The following GAS7 variants were observed in gnomAD, a reference collection of about 807,000 sequenced individuals.
GAS7 encodes growth arrest-specific protein 7.
GAS7 carries 28 observed loss-of-function variants against 71.1 expected under a neutral mutation model. The ratio of observed to expected loss-of-function variants is 0.39; its 90% CI spans 0.29 to 0.54. The LOEUF (loss-of-function observed/expected upper bound fraction) is 0.54, where lower values mean the gene tolerates loss of function less well. Among genes scored for constraint, GAS7 ranks in the 20% least tolerant of loss-of-function variants. The pLI is 0.62. For missense variants in GAS7, 436 were observed against 627.8 expected, an observed-to-expected ratio of 0.69 and a Z score of 3.27; for synonymous variants, 258 against 245.8, an observed-to-expected ratio of 1.05 and a Z score of -0.46.
chr17:9,929,376 A>G (rs2068127806), intron 9 of GAS7, among the ~76,000 whole-genome samples: 1 of 152,252 alleles, frequency 6.6e-6, no homozygotes, highest in African/African-American at 2.4e-5. Flanking sequence ...TTCAAATGAC[A>G]TTCTGGAAGC....
At position 9,974,233 on chromosome 17, in the gene GAS7, C is replaced by A. The variant is rs113435656; in HGVS notation, c.386-4471G>T. Among the ~76,000 whole-genome samples, 1 of 152,180 alleles carries A rather than the reference C, an allele frequency of 6.6e-6. No individual in the cohort carries two copies. The highest frequency in any genetic ancestry group is 6.5e-5 in the Admixed American group (1 of 15,284). On this transcript the variant is annotated intron_variant, in intron 3 of 13. Transcript: ENST00000432992. The surrounding 1 kb of genome is among the most constrained non-coding windows in gnomAD (Gnocchi z 4.0). ...CCACGTAGCAGCTCTCCTCGGACAC[C>A]CTGTCTGGCTGCGTTATCACTTGAA...
At chr17:9,921,010 C>A (rs570268211) in intron 11 of GAS7, among the ~76,000 whole-genome samples, 2 of 152,154 alleles carry the variant, frequency 1.3e-5, no homozygotes, top group African/African-American at 2.4e-5. Context: ...ACACACCAGA[C>A]GCGAGTGTGC....
At chr17:9,978,971 A>C (rs2070309208) in intron 3 of GAS7, among the ~76,000 whole-genome samples, 1 of 152,192 alleles carries the variant, frequency 6.6e-6, no homozygotes, top group Non-Finnish European at 1.5e-5. Flanking sequence ...GTTCAGCAGC[A>C]GCCCTGGCCT....
rs563492837 is a variant in GAS7 at position 9,913,964 on chromosome 17, G to A, written c.*3264C>T. The stretch of plus-strand genomic sequence containing the variant: ...ACATTCTCAAGAATAGCCCAGACCC[G>A]CCCACTTTGAATAAACCCAGCTAAG... On this transcript the variant is annotated 3_prime_UTR_variant, in exon 14 of 14. Coordinates refer to ENST00000432992, the MANE Select transcript of GAS7 (RefSeq NM_201433.2). The A allele has an allele frequency of 4.3e-5, 10 of 231,658 alleles. No individual in the cohort carries two copies. Among genetic ancestry groups the A allele is most frequent in the South Asian group, 1.8e-4 (1 of 5,508 alleles). 14.4% of individuals were successfully genotyped at this position (231,658 alleles called of 1,614,324 possible).
At chr17:10,033,180 T>C (rs112577405) in intron 1 of GAS7, among the ~76,000 whole-genome samples, 192 of 152,312 alleles carry the variant, frequency 1.3e-3, no homozygotes, top group African/African-American at 4.5e-3. Flanking sequence ...GAAAACACTT[T>C]TGAAGGACAT....
chr17:10,126,354 A>ACACTCTTG (rs2073946772), intron 1 of GAS7, among the ~76,000 whole-genome samples: 1 of 126,004 alleles, frequency 7.9e-6, no homozygotes, highest in Non-Finnish European at 1.7e-5. Flanking sequence ...TCATACACTC[A>ACACTCTTG]CACACACTCT....
chr17:10,198,573 A>C lies in GAS7; in HGVS notation c.-183T>G. On this transcript the variant is annotated 5_prime_UTR_variant, in exon 1 of 14. Coordinates refer to ENST00000432992, the MANE Select transcript of GAS7 (RefSeq NM_201433.2). ...GGACGCGCGCTCCGCGCCGGGAAGC[A>C]GAGACTCGTTGGCTTCGCAGAGCGA... The C allele has an allele frequency of 2.6e-6, 1 of 385,116 alleles. No individual in the cohort carries two copies. Among genetic ancestry groups the C allele is most frequent in the Non-Finnish European group, 4.5e-6 (1 of 221,282 alleles). 23.9% of individuals were successfully genotyped at this position (385,116 alleles called of 1,614,324 possible).
At chr17:10,055,228 T>C (rs1190868421) in intron 1 of GAS7, among the ~76,000 whole-genome samples, 1 of 152,146 alleles carries the variant, frequency 6.6e-6, no homozygotes, top group Non-Finnish European at 1.5e-5. Context: ...GCCCAAGCGC[T>C]GGAAGCTAGC....
intron 1 of GAS7, among the ~76,000 whole-genome samples, chr17:10,120,666 C>T (rs750380193): frequency 6.6e-6 from 1 of 151,994 alleles, no homozygotes; most frequent in Non-Finnish European, 1.5e-5. Context: ...GAGCCAAGAT[C>T]GCGTCATTGC....
intron 1 of GAS7, among the ~76,000 whole-genome samples, chr17:10,126,543 A>AGC (rs1411357919): frequency 2.8e-4 from 4 of 14,272 alleles, no homozygotes; most frequent in Non-Finnish European, 6.7e-4. Context: ...ACACACAAAG[A>AGC]GCGCACACAC....
chr17:10,189,930 T>C (rs2074485017), intron 1 of GAS7, among the ~76,000 whole-genome samples: 1 of 150,922 alleles, frequency 6.6e-6, no homozygotes, highest in South Asian at 2.1e-4. Flanking sequence ...CAGAGCAAGA[T>C]TCCATCTCCC....
At chr17:10,027,761 C>T (rs1027177588) in intron 1 of GAS7, among the ~76,000 whole-genome samples, 2 of 152,208 alleles carry the variant, frequency 1.3e-5, no homozygotes, top group African/African-American at 2.4e-5. Flanking sequence ...AGCTAGGCAT[C>T]GTGGCTTGTG....
At chr17:10,161,650 TC>T (rs1358979108) in intron 1 of GAS7, among the ~76,000 whole-genome samples, 3 of 152,192 alleles carry the variant, frequency 2.0e-5, no homozygotes, top group African/African-American at 7.2e-5. Flanking sequence ...TCTCAGTTGT[TC>T]CACTCAGTCA....
At chr17:10,078,416 G>C (rs2073420218) in intron 1 of GAS7, among the ~76,000 whole-genome samples, 1 of 152,182 alleles carries the variant, frequency 6.6e-6, no homozygotes, top group African/African-American at 2.4e-5. Flanking sequence ...AAGGGCTAGT[G>C]AAGAGAGAAG....
Position 10,006,943 on chromosome 17 carries a change from G to T in GAS7, c.304+12834C>A, listed in dbSNP as rs543620236. Among the ~76,000 whole-genome samples, 20 of 152,264 alleles carry T rather than the reference G, an allele frequency of 1.3e-4. No individual in the cohort carries two copies. The South Asian group carries it at 3.9e-3, about 30-fold the overall frequency. On this transcript the variant is annotated intron_variant, in intron 2 of 13. Transcript: ENST00000432992. ...TGTTTGTCTTCAATAGCTCCACCAT[G>T]AGATTCTACAATTGTTTATGATTAT... is the stretch of plus-strand genomic sequence containing the variant.
intron 2 of GAS7, among the ~76,000 whole-genome samples, chr17:10,007,161 T>C (rs560986441): frequency 6.6e-6 from 1 of 152,318 alleles, no homozygotes; most frequent in South Asian, 2.1e-4. Context: ...TTAGAAAACT[T>C]TGAAAAATAT....
intron 3 of GAS7, among the ~76,000 whole-genome samples, chr17:9,971,070 A>G (rs16959128): frequency 0.19 from 28,507 of 152,088 alleles, 4,051 homozygotes; most frequent in African/African-American, 0.4. Context: ...AGCAAAAGTT[A>G]TAAGTAGTCA....
At chr17:9,946,824 C>T in intron 6 of GAS7, 70 bp downstream of exon 6, 1 of 936,914 alleles carries the variant, frequency 1.1e-6, no homozygotes, top group Non-Finnish European at 1.7e-6. Flanking sequence ...CCAGGTCCCT[C>T]CTACCCATCC....
Position 9,959,032 on chromosome 17 carries a change from G to T in GAS7, c.525+170C>A. ...TGTGAAATTGACAGGAGAAGGGGAG[G>T]TGGGAGGGGCATGTGGATGGGGAAC... is the stretch of plus-strand genomic sequence containing the variant. On this transcript the variant is annotated intron_variant, in intron 5 of 13. Coordinates refer to ENST00000432992, the MANE Select transcript of GAS7 (RefSeq NM_201433.2). The surrounding 1 kb of genome is among the most constrained non-coding windows in gnomAD (Gnocchi z 5.0). 7.3e-7 allele frequency: 1 copy of T among 1,361,632 alleles called. No homozygotes were observed. The highest frequency in any genetic ancestry group is 9.7e-7 in the Non-Finnish European group (1 of 1,032,692). 84.3% of individuals were successfully genotyped at this position (1,361,632 alleles called of 1,614,324 possible). A position where few individuals can be genotyped will look rare whatever the true frequency, so the allele number is the denominator to read the frequency against.
Sources: gnomAD v4.1 joint callset for allele counts (sites outside exome capture counted in the v4.1 genomes callset) on GRCh38, gnomAD v4.1.1 for gene constraint, Gnocchi (gnomAD v3.1) non-coding constraint, MANE v1.5 for transcripts, NCBI Gene and HGNC (gene_info 2026-07-23, HGNC 2026-07-21) for gene names.